The following PARP8 variants were observed in gnomAD, a reference collection of about 807,000 sequenced individuals.
PARP8 encodes the protein poly(ADP-ribose) polymerase family member 8, also known as protein mono-ADP-ribosyltransferase PARP8.
PARP8 carries 51 observed loss-of-function variants against 124.1 expected under a neutral mutation model. The observed-to-expected ratio is 0.41, with a 90% CI of 0.33 to 0.52. The LOEUF (loss-of-function observed/expected upper bound fraction) is 0.52. PARP8 is among the 20% of genes least tolerant of loss of function. The probability of loss-of-function intolerance (pLI) is 0.21; values close to 1 mark genes in which losing one functional copy is unlikely to be tolerated. For synonymous variants in PARP8, 391 were observed against 361.5 expected (o/e 1.08, Z -0.93); for missense variants, 860 against 1,018.9 (o/e 0.84, Z 2.12).
At chr5:50,714,518 C>T (rs1172655299) in intron 2 of PARP8, among the ~76,000 whole-genome samples, 5 of 152,062 alleles carry the variant, frequency 3.3e-5, no homozygotes, top group Non-Finnish European at 5.9e-5. Context: ...AACCCGTCAT[C>T]TAGGTTTTAA....
chr5:50,823,260 C>CA (rs1745971526), intron 17 of PARP8, among the ~76,000 whole-genome samples: 1 of 152,238 alleles, frequency 6.6e-6, no homozygotes, highest in Non-Finnish European at 1.5e-5. Context: ...CACCAACCCC[C>CA]AGAGTTATCG....
chr5:50,815,409 A>G (rs1561421669), intron 14 of PARP8, 23 bp from the exon 15 acceptor site: 1 of 1,528,568 alleles, frequency 6.5e-7, no homozygotes, highest in East Asian at 2.5e-5. Flanking sequence ...AAGTTTTGTG[A>G]TTGATTCCTT....
intron 17 of PARP8, among the ~76,000 whole-genome samples, chr5:50,824,402 T>C (rs750119237): frequency 2.6e-5 from 4 of 151,960 alleles, no homozygotes; most frequent in African/African-American, 9.7e-5. Context: ...GTGATCCAGG[T>C]TTTTAAAGGC....
intron 7 of PARP8, among the ~76,000 whole-genome samples, chr5:50,763,879 A>T (rs1172931478): frequency 6.6e-6 from 1 of 152,116 alleles, no homozygotes; most frequent in African/African-American, 2.4e-5. Context: ...CTTTGCCTAC[A>T]CTGTAGTCTT....
At chr5:50,774,150 TG>T (rs1761916255) in intron 7 of PARP8, among the ~76,000 whole-genome samples, 1 of 152,166 alleles carries the variant, frequency 6.6e-6, no homozygotes, top group African/African-American at 2.4e-5. Flanking sequence ...AGCAAGGGGT[TG>T]GGGGTAAGGT....
intron 2 of PARP8, among the ~76,000 whole-genome samples, chr5:50,696,114 T>A (rs1752997125): frequency 6.6e-6 from 1 of 152,204 alleles, no homozygotes; most frequent in Non-Finnish European, 1.5e-5. Flanking sequence ...ATCTAATTAA[T>A]CTTAGATATA....
At chr5:50,793,624 G>A (rs1445306006) in intron 10 of PARP8, among the ~76,000 whole-genome samples, 1 of 152,184 alleles carries the variant, frequency 6.6e-6, no homozygotes, top group Non-Finnish European at 1.5e-5. Flanking sequence ...AATAGGCTGT[G>A]TTGAAGATAT....
At chr5:50,766,889 AAAT>A (rs1761107712) in intron 7 of PARP8, among the ~76,000 whole-genome samples, 1 of 152,182 alleles carries the variant, frequency 6.6e-6, no homozygotes, top group Admixed American at 6.5e-5. Context: ...GAAAGAAAAA[AAAT>A]GCATACCTCA....
intron 25 of PARP8, among the ~76,000 whole-genome samples, chr5:50,839,424 A>G (rs2149731200): frequency 6.6e-6 from 1 of 152,116 alleles, no homozygotes; most frequent in East Asian, 1.9e-4. Flanking sequence ...TGTATACCCT[A>G]TTGTAATAAA....
At chr5:50,730,346 G>C (rs1055245755) in intron 2 of PARP8, among the ~76,000 whole-genome samples, 1 of 152,120 alleles carries the variant, frequency 6.6e-6, no homozygotes, top group South Asian at 2.1e-4. Flanking sequence ...GCCTGGGGAG[G>C]CCTCAGGAAA....
intron 2 of PARP8, among the ~76,000 whole-genome samples, chr5:50,749,447 A>T (rs1758980186): frequency 1.3e-5 from 2 of 150,878 alleles, no homozygotes; most frequent in African/African-American, 4.9e-5. Context: ...TAGTTGACAG[A>T]GATAAAAAAT....
intron 2 of PARP8, among the ~76,000 whole-genome samples, chr5:50,722,400 C>A (rs1233665706): frequency 6.6e-6 from 1 of 151,976 alleles, no homozygotes; most frequent in East Asian, 1.9e-4. Flanking sequence ...TCCCAGCTTC[C>A]CTAGTAGTTT....
chr5:50,667,428 C>T lies in PARP8; in HGVS notation c.91+242C>T, dbSNP rs370952881. 95 of 701,482 alleles carry T rather than the reference C, an allele frequency of 1.4e-4. 3 individuals are homozygous for T. In the South Asian group the frequency reaches 1.4e-3, roughly 10 times the overall value. 43.5% of individuals were successfully genotyped at this position (701,482 alleles called of 1,614,324 possible). A position where few individuals can be genotyped will look rare whatever the true frequency, so the allele number is the denominator to read the frequency against. On this transcript the variant is annotated intron_variant, in intron 1 of 25. Coordinates refer to ENST00000281631, the MANE Select transcript of PARP8 (RefSeq NM_024615.4). ...GCTTTGAGGGCAGAGCCCGCGTGGCCGGAGCGGGGGTCTAGGCGAAGGGGC... is the reference window on the plus strand; with the variant it reads ...GCTTTGAGGGCAGAGCCCGCGTGGCTGGAGCGGGGGTCTAGGCGAAGGGGC...
At chr5:50,675,798 A>G (rs1315300016) in intron 2 of PARP8, among the ~76,000 whole-genome samples, 1 of 152,202 alleles carries the variant, frequency 6.6e-6, no homozygotes, top group Non-Finnish European at 1.5e-5. Context: ...CCAGGAAAAA[A>G]AAATTGTTAA....
chr5:50,803,739 T>C (rs1743495908), intron 14 of PARP8, among the ~76,000 whole-genome samples: 1 of 152,174 alleles, frequency 6.6e-6, no homozygotes, highest in African/African-American at 2.4e-5. Context: ...CTCTTGAACG[T>C]TTTAAGTATA....
In PARP8 at chr5:50,753,439, C is replaced by CA. The variant is rs567792857; in HGVS notation, c.184+3256dup. Among the ~76,000 whole-genome samples, 25 of 151,978 alleles carry CA rather than the reference C, an allele frequency of 1.6e-4. No individual in the cohort carries two copies. The South Asian group carries it at 5.0e-3, about 30-fold the overall frequency. ...TACAGTCTATATCAAATTATAGCCC[C>CA]AAAAATATAATTGTTTTTATACCTA... On this transcript the variant is annotated intron_variant, in intron 3 of 25. Transcript: ENST00000281631.
In PARP8 at chr5:50,778,133, A is replaced by C; in HGVS notation, c.579+4A>C. 6.3e-7 allele frequency: 1 copy of C among 1,587,438 alleles called. No individual in the cohort carries two copies. On this transcript the variant is annotated splice_donor_region_variant and intron_variant, in intron 8 of 25. Coordinates refer to ENST00000281631, the MANE Select transcript of PARP8 (RefSeq NM_024615.4). ...TATCGATGTTAGCTTTCTTGATGTA[A>C]GTATCAATTTTATGTAATATGAATG...
At chr5:50,820,789 T>C (rs973060104) in intron 15 of PARP8, among the ~76,000 whole-genome samples, 1 of 152,240 alleles carries the variant, frequency 6.6e-6, no homozygotes, top group Non-Finnish European at 1.5e-5. Flanking sequence ...TGCATTATTC[T>C]CTAGTGCCTA....
At chr5:50,717,457 A>G (rs1755433716) in intron 2 of PARP8, among the ~76,000 whole-genome samples, 1 of 152,072 alleles carries the variant, frequency 6.6e-6, no homozygotes, top group Admixed American at 6.6e-5. Flanking sequence ...GGGAATCAGC[A>G]GGTCAAATCA....
Sources: gnomAD v4.1 joint callset for allele counts (sites outside exome capture counted in the v4.1 genomes callset) on GRCh38, gnomAD v4.1.1 for gene constraint, MANE v1.5 for transcripts, NCBI Gene and HGNC (gene_info 2026-07-23, HGNC 2026-07-21) for gene names.